The following ADAMTS17 variants were observed in gnomAD, a reference collection of about 807,000 sequenced individuals.
ADAMTS17 encodes the protein A disintegrin and metalloproteinase with thrombospondin motifs 17.
Under a neutral mutation model 141.5 loss-of-function variants are expected in ADAMTS17, and 113 were observed. The observed-to-expected ratio is 0.80, with a 90% CI of 0.69 to 0.93. The LOEUF is 0.93. Ranked by LOEUF, ADAMTS17 falls within the 40% of genes least tolerant of loss-of-function variation. The pLI, the probability that ADAMTS17 is intolerant of heterozygous loss-of-function variation, is 0.00. For synonymous variants in ADAMTS17, 768 were observed against 630.6 expected (o/e 1.22, Z -3.27); for missense variants, 1,659 against 1,517.9 (o/e 1.09, Z -1.54).
At chr15:100,307,693 T>C (rs1205237078) in intron 3 of ADAMTS17, among the ~76,000 whole-genome samples, 1 of 152,166 alleles carries the variant, frequency 6.6e-6, no homozygotes, top group Non-Finnish European at 1.5e-5. Context: ...GCTGAGCATT[T>C]GAGGAGGAGA....
chr15:100,184,150 C>G (rs2040621621), intron 8 of ADAMTS17, among the ~76,000 whole-genome samples: 1 of 152,184 alleles, frequency 6.6e-6, no homozygotes, highest in Non-Finnish European at 1.5e-5. Context: ...GTAGCCAGCT[C>G]ACTATGTCCT....
intron 18 of ADAMTS17, among the ~76,000 whole-genome samples, chr15:100,011,224 A>AT (rs1490630941): frequency 2.9e-5 from 3 of 104,324 alleles, no homozygotes; most frequent in Non-Finnish European, 6.0e-5. Flanking sequence ...TTGGGCCATG[A>AT]TGGTTAGTTC....
At chr15:100,096,656 A>T (rs2035777686) in intron 14 of ADAMTS17, among the ~76,000 whole-genome samples, 180 bp from the exon 15 acceptor site, 1 of 152,236 alleles carries the variant, frequency 6.6e-6, no homozygotes, top group Non-Finnish European at 1.5e-5. Flanking sequence ...ACAGAATCCA[A>T]CCTAGATTAT....
rs2044278273 is a variant in ADAMTS17 at position 100,281,410 on chromosome 15, T to C, written c.617-9A>G. On this transcript the variant is annotated splice_polypyrimidine_tract_variant and intron_variant, in intron 3 of 21. Coordinates refer to ENST00000268070, the MANE Select transcript of ADAMTS17 (RefSeq NM_139057.4). Reference sequence around the variant, plus strand: ...CGTCGGCTTCTTCTTTTCTAGAAAATGATGGAAACATTTGTGCGGTCCTTG... The same window carrying C: ...CGTCGGCTTCTTCTTTTCTAGAAAACGATGGAAACATTTGTGCGGTCCTTG... 1.2e-6 allele frequency: 2 copies of C among 1,611,594 alleles called. No homozygotes were observed. The highest frequency in any genetic ancestry group is 1.7e-6 in the Non-Finnish European group (2 of 1,179,634).
chr15:100,199,941 G>A (rs2041260477), intron 7 of ADAMTS17, among the ~76,000 whole-genome samples: 1 of 152,350 alleles, frequency 6.6e-6, no homozygotes, highest in Non-Finnish European at 1.5e-5. Flanking sequence ...CGCATCCCGG[G>A]CGTGAGCCGG....
intron 18 of ADAMTS17, among the ~76,000 whole-genome samples, chr15:100,009,522 C>A (rs1243265828): frequency 3.9e-5 from 6 of 152,188 alleles, no homozygotes; most frequent in Admixed American, 3.9e-4. Context: ...GCTCAAGCCT[C>A]AGTTTCCTTC....
chr15:100,258,552 C>T (rs1227898265), intron 6 of ADAMTS17, among the ~76,000 whole-genome samples: 1 of 152,112 alleles, frequency 6.6e-6, no homozygotes, highest in Non-Finnish European at 1.5e-5. Flanking sequence ...TGGCAGCAGG[C>T]AGGGGAAGAG....
intron 18 of ADAMTS17, among the ~76,000 whole-genome samples, chr15:100,043,949 C>G (rs562309332): frequency 6.6e-6 from 1 of 152,164 alleles, no homozygotes; most frequent in African/African-American, 2.4e-5. Context: ...AGCTCTGTGG[C>G]ACTCATTAAT....
At chr15:100,127,604 T>TGG (rs746140481) in intron 12 of ADAMTS17, among the ~76,000 whole-genome samples, 5 of 152,234 alleles carry the variant, frequency 3.3e-5, no homozygotes, top group Non-Finnish European at 7.3e-5. Context: ...TGTTTTGAGA[T>TGG]GGAGTCCCAC....
chr15:100,166,868 C>A (rs1306418459), intron 8 of ADAMTS17, among the ~76,000 whole-genome samples: 4 of 152,232 alleles, frequency 2.6e-5, no homozygotes, highest in African/African-American at 9.6e-5. Flanking sequence ...TTTTGCAGAG[C>A]ACCAGGCCCA....
At chr15:100,025,512 A>G (rs1219687128) in intron 18 of ADAMTS17, among the ~76,000 whole-genome samples, 1 of 151,682 alleles carries the variant, frequency 6.6e-6, no homozygotes, top group East Asian at 1.9e-4. Flanking sequence ...CCAGGGTTCA[A>G]GCAATTCTCC....
intron 8 of ADAMTS17, among the ~76,000 whole-genome samples, chr15:100,172,274 G>A (rs921089944): frequency 3.3e-5 from 5 of 149,422 alleles, no homozygotes; most frequent in African/African-American, 1.0e-4. Context: ...GGCATGACCT[G>A]GGCATGTGGA....
intron 18 of ADAMTS17, among the ~76,000 whole-genome samples, chr15:100,038,889 T>C (rs749941380): frequency 1.3e-4 from 20 of 152,268 alleles, no homozygotes; most frequent in Non-Finnish European, 2.5e-4. Context: ...TGTGTCTTGC[T>C]CCTGATCTTT....
rs7496668 is a variant in ADAMTS17 at position 100,281,371 on chromosome 15, G to A, written c.647C>T (p.Ser216Leu). 0.37 allele frequency: 600,409 copies of A among 1,612,196 alleles called. 117,670 individuals carry two copies. Among genetic ancestry groups the A allele is most frequent in the Admixed American group, 0.58 (34,537 of 59,988 alleles). ...EKKKPTWGRP[S>L]RDWRERRNAI... ...GTTCCTCCGCTCCCGCCAGTCCCGC[G>A]AAGGCCTGCCCCACGTCGGCTTCTT... The change falls in exon 4 of 22, where the codon TCG becomes TTG. Residue 216 changes from serine to leucine, a missense_variant. Transcript: ENST00000268070.
intron 6 of ADAMTS17, among the ~76,000 whole-genome samples, chr15:100,259,391 G>A (rs2043438776): frequency 6.6e-6 from 1 of 152,294 alleles, no homozygotes; most frequent in East Asian, 1.9e-4. Flanking sequence ...GTCGCCAAAT[G>A]CCATTGCAAA....
In ADAMTS17 at chr15:100,096,611, A is replaced by G. The variant is rs922055101; in HGVS notation, c.2017-135T>C. The G allele has an allele frequency of 4.9e-5, 55 of 1,121,622 alleles. 1 individual carries two copies. In the African/African-American group the frequency reaches 8.0e-4, roughly 16 times the overall value. 69.5% of individuals were successfully genotyped at this position (1,121,622 alleles called of 1,614,324 possible). On this transcript the variant is annotated intron_variant, in intron 14 of 21. Coordinates refer to ENST00000268070, the MANE Select transcript of ADAMTS17 (RefSeq NM_139057.4). Reference sequence around the variant, plus strand: ...GGGCCCTGATCCATTCAGAGGCCCAAGAAAATATTTTAATTCAGGAGAGAA... The same window carrying G: ...GGGCCCTGATCCATTCAGAGGCCCAGGAAAATATTTTAATTCAGGAGAGAA...
At chr15:100,274,225 C>T (rs376322162) in intron 4 of ADAMTS17, among the ~76,000 whole-genome samples, 2 of 152,240 alleles carry the variant, frequency 1.3e-5, no homozygotes, top group Admixed American at 6.5e-5. Context: ...TCTTCTATTT[C>T]CTTTTCTTCT....
chr15:100,037,600 G>C (rs1036186938), intron 18 of ADAMTS17, among the ~76,000 whole-genome samples: 1 of 151,942 alleles, frequency 6.6e-6, no homozygotes, highest in South Asian at 2.1e-4. Flanking sequence ...GTAGAGATGG[G>C]GTTTCACCAT....
At chr15:100,257,237 T>G (rs4246314) in intron 6 of ADAMTS17, among the ~76,000 whole-genome samples, 96,649 of 151,620 alleles carry the variant, frequency 0.64, 31,529 homozygotes, top group East Asian at 0.83. Context: ...AAGCTGCCTC[T>G]CACCCAATCT....
Sources: allele counts gnomAD v4.1 joint callset (sites outside exome capture counted in the v4.1 genomes callset), GRCh38; gene constraint gnomAD v4.1.1; transcripts MANE v1.5; gene names NCBI Gene and HGNC (gene_info 2026-07-23, HGNC 2026-07-21).